The following HPGDS variants were observed in gnomAD, a reference collection of about 807,000 sequenced individuals.
HPGDS encodes the protein hematopoietic prostaglandin D synthase, also known as GST class-sigma.
Under a neutral mutation model 23.1 loss-of-function variants are expected in HPGDS, and 26 were observed. The ratio of observed to expected loss-of-function variants is 1.13; its 90% CI spans 0.83 to 1.56. HPGDS has a LOEUF of 1.56. Among genes scored for constraint, HPGDS ranks in the 40% most tolerant of loss-of-function variants. HPGDS has a pLI of 0.00. For synonymous variants in HPGDS, 95 were observed against 77.9 expected (o/e 1.22, Z -1.16); for missense variants, 268 against 236.4 (o/e 1.13, Z -0.88).
intron 2 of HPGDS, among the ~76,000 whole-genome samples, chr4:94,327,525 T>C (rs942157171): frequency 6.6e-6 from 1 of 152,068 alleles, no homozygotes; most frequent in Non-Finnish European, 1.5e-5. Flanking sequence ...AGTGTGGCAG[T>C]ACTATCCTCA....
chr4:94,331,670 C>T (rs1035412780), intron 2 of HPGDS, among the ~76,000 whole-genome samples: 1 of 152,148 alleles, frequency 6.6e-6, no homozygotes, highest in Admixed American at 6.5e-5. Context: ...TGCTATGGAT[C>T]TCACCATTTA....
chr4:94,333,183 C>A (rs919181375), intron 2 of HPGDS, among the ~76,000 whole-genome samples: 2 of 152,210 alleles, frequency 1.3e-5, no homozygotes, highest in African/African-American at 4.8e-5. Flanking sequence ...GACCAAATAA[C>A]ATTTGTAATA....
At position 94,317,962 on chromosome 4, in the gene HPGDS, A is replaced by G; in HGVS notation, c.137T>C (p.Leu46Pro). The stretch of plus-strand genomic sequence containing the variant: ...CAAAATGGGGATTTTTCCAAATGGG[A>G]GAGCTTAAAATGAAATGAGCAAATA... The part of the protein sequence containing the change: ...QADWPEIKST[L>P]PFGKIPILEV... Residue 46 changes from leucine (L) to proline (P), a missense_variant, in exon 3 of 6, where the codon CTC becomes CCC. Transcript: ENST00000295256. 1 of 1,594,948 alleles carries G rather than the reference A, an allele frequency of 6.3e-7. No homozygotes were observed. Among genetic ancestry groups the G allele is most frequent in the East Asian group, 2.2e-5 (1 of 44,606 alleles).
chr4:94,341,878 C>A (rs1721180935), intron 1 of HPGDS, among the ~76,000 whole-genome samples: 1 of 152,176 alleles, frequency 6.6e-6, no homozygotes, highest in Admixed American at 6.5e-5. Flanking sequence ...ATGTGAGATA[C>A]TATTGTTCAC....
chr4:94,325,234 G>C (rs1756605791), intron 2 of HPGDS, among the ~76,000 whole-genome samples: 1 of 152,198 alleles, frequency 6.6e-6, no homozygotes, highest in African/African-American at 2.4e-5. Flanking sequence ...CTACTCGGGG[G>C]TCAGGGACCC....
At chr4:94,337,060 A>C (rs1435181498) in intron 1 of HPGDS, among the ~76,000 whole-genome samples, 1 of 151,964 alleles carries the variant, frequency 6.6e-6, no homozygotes, top group African/African-American at 2.4e-5. Flanking sequence ...CGCCTCCTGG[A>C]TTCAAGCAAT....
intron 2 of HPGDS, among the ~76,000 whole-genome samples, chr4:94,320,471 G>T (rs1314236504): frequency 6.6e-6 from 1 of 152,124 alleles, no homozygotes; most frequent in African/African-American, 2.4e-5. Context: ...GTGTGAGATG[G>T]TATCTCACCA....
chr4:94,326,942 G>A (rs1478675539), intron 2 of HPGDS, among the ~76,000 whole-genome samples: 2 of 152,064 alleles, frequency 1.3e-5, no homozygotes, highest in Non-Finnish European at 2.9e-5. Flanking sequence ...GTGCAATAAT[G>A]TAGTCTTCAT....
intron 1 of HPGDS, among the ~76,000 whole-genome samples, chr4:94,340,849 CTTTTTTT>C (rs1423281964): frequency 8.8e-6 from 1 of 113,588 alleles, no homozygotes; most frequent in African/African-American, 3.5e-5. Context: ...TTTTTTCTTT[CTTTTTTT>C]TTTTTTGAGA....
intron 1 of HPGDS, among the ~76,000 whole-genome samples, chr4:94,340,857 T>C (rs1263570188): frequency 2.2e-5 from 3 of 136,414 alleles, no homozygotes; most frequent in Admixed American, 1.4e-4. Flanking sequence ...TTCTTTTTTT[T>C]TTTTTGAGAC....
At chr4:94,321,150 G>A (rs1223696787) in intron 2 of HPGDS, among the ~76,000 whole-genome samples, 1 of 152,188 alleles carries the variant, frequency 6.6e-6, no homozygotes, top group African/African-American at 2.4e-5. Flanking sequence ...GTACCATGCT[G>A]TTTTGGTTAC....
intron 3 of HPGDS, among the ~76,000 whole-genome samples, chr4:94,313,027 G>T (rs1756311185): frequency 6.6e-6 from 1 of 152,016 alleles, no homozygotes. Context: ...GAGCCTATGT[G>T]TGTCTCTGCA....
Position 94,299,392 on chromosome 4 carries a change from G to A in HPGDS, c.*88C>T. ...CTTAGTGGAGCTGGGGAGGGAGCAT[G>A]TGGATTATCTGGCAGGCTGATGTAG... On this transcript the variant is annotated 3_prime_UTR_variant, in exon 6 of 6. Coordinates refer to ENST00000295256, the MANE Select transcript of HPGDS (RefSeq NM_014485.3). 8.6e-7 allele frequency: 1 copy of A among 1,168,634 alleles called. No individual in the cohort carries two copies. The highest frequency in any genetic ancestry group is 1.2e-6 in the Non-Finnish European group (1 of 846,000). 72.4% of individuals were successfully genotyped at this position (1,168,634 alleles called of 1,614,324 possible).
chr4:94,299,420 G>A lies in HPGDS; in HGVS notation c.*60C>T, dbSNP rs1409669013. ...GATTATCTGGCAGGCTGATGTAGCT[G>A]TCTTATCTGATGAGAGAGATGCCCC... On this transcript the variant is annotated 3_prime_UTR_variant, in exon 6 of 6. Transcript: ENST00000295256. The A allele has an allele frequency of 2.0e-6, 3 of 1,469,684 alleles. No individual in the cohort carries two copies. Among genetic ancestry groups the A allele is most frequent in the Non-Finnish European group, 2.8e-6 (3 of 1,083,812 alleles). The allele number at this position is 1,469,684 out of a possible 1,614,324, so 91.0% of individuals were successfully genotyped here. A position where few individuals can be genotyped will look rare whatever the true frequency, so the allele number is the denominator to read the frequency against.
intron 2 of HPGDS, among the ~76,000 whole-genome samples, chr4:94,328,004 A>G (rs1393607816): frequency 6.6e-6 from 1 of 152,296 alleles, no homozygotes. Context: ...CTCTGGAACA[A>G]TGTTCTCACA....
At chr4:94,340,320 T>TC (rs1560598078) in intron 1 of HPGDS, among the ~76,000 whole-genome samples, 399 of 15,002 alleles carry the variant, frequency 0.027, 12 homozygotes, top group Non-Finnish European at 0.037. Flanking sequence ...TCTTTTTTTT[T>TC]TTTTTTTTTT....
At chr4:94,321,843 G>A (rs1756515943) in intron 2 of HPGDS, among the ~76,000 whole-genome samples, 1 of 152,150 alleles carries the variant, frequency 6.6e-6, no homozygotes, top group Non-Finnish European at 1.5e-5. Context: ...TCTTGTGCCA[G>A]TTTTCAAAGG....
chr4:94,318,695 G>T (rs1756443979), intron 2 of HPGDS, among the ~76,000 whole-genome samples: 1 of 152,032 alleles, frequency 6.6e-6, no homozygotes, highest in South Asian at 2.1e-4. Flanking sequence ...AGAAGAATGT[G>T]CAGTCTGTAG....
intron 1 of HPGDS, among the ~76,000 whole-genome samples, chr4:94,340,898 G>T (rs539398000): frequency 7.4e-6 from 1 of 134,868 alleles, no homozygotes; most frequent in Non-Finnish European, 1.5e-5. Context: ...AGGCTGGAGT[G>T]CAGTGGCGCA....
Sources: allele counts gnomAD v4.1 joint callset (sites outside exome capture counted in the v4.1 genomes callset), GRCh38; gene constraint gnomAD v4.1.1; transcripts MANE v1.5; gene names NCBI Gene and HGNC (gene_info 2026-07-23, HGNC 2026-07-21).